Variants in TAF4B observed in about 807,000 individuals in gnomAD.
TAF4B encodes the protein transcription initiation factor TFIID subunit 4B.
TAF4B carries 38 observed loss-of-function variants against 86.4 expected under a neutral mutation model. That is an observed-to-expected ratio of 0.44 (90% CI 0.34 to 0.58). TAF4B has a LOEUF of 0.58. TAF4B is among the 20% of genes least tolerant of loss of function. The pLI, the probability that TAF4B is intolerant of heterozygous loss-of-function variation, is 0.02. For synonymous variants in TAF4B, 388 were observed against 391.2 expected, an observed-to-expected ratio of 0.99 and a Z score of 0.10; for missense variants, 988 against 1,027.6, an observed-to-expected ratio of 0.96 and a Z score of 0.53.
chr18:26,388,957 A>C (rs1021432737), intron 14 of TAF4B, among the ~76,000 whole-genome samples: 1 of 152,136 alleles, frequency 6.6e-6, no homozygotes, highest in African/African-American at 2.4e-5. Context: ...GATTACAGGC[A>C]TGCGCCACCA....
intron 14 of TAF4B, among the ~76,000 whole-genome samples, chr18:26,371,169 C>T (rs915153963): frequency 1.3e-5 from 2 of 152,142 alleles, no homozygotes; most frequent in Admixed American, 6.5e-5. Context: ...GAAGCTACTT[C>T]ATTTAAAGTA....
intron 1 of TAF4B, among the ~76,000 whole-genome samples, chr18:26,241,650 C>G (rs1182226172): frequency 2.0e-5 from 3 of 152,074 alleles, no homozygotes; most frequent in African/African-American, 7.2e-5. Flanking sequence ...TTTGCTCTTG[C>G]TTCTCTAGTT....
At chr18:26,323,233 T>C (rs1052417520) in intron 11 of TAF4B, among the ~76,000 whole-genome samples, 5 of 152,346 alleles carry the variant, frequency 3.3e-5, no homozygotes, top group Admixed American at 6.5e-5. Context: ...CTGATAGATA[T>C]AGTTGGTTTA....
chr18:26,321,314 A>G, intron 11 of TAF4B, 114 bp downstream of exon 11: 2 of 1,063,044 alleles, frequency 1.9e-6, no homozygotes, highest in Non-Finnish European at 2.7e-6. Context: ...TATATTTCAT[A>G]TTAGTGGAAA....
chr18:26,362,500 A>T (rs1214022831), intron 14 of TAF4B, among the ~76,000 whole-genome samples: 1 of 152,208 alleles, frequency 6.6e-6, no homozygotes, highest in Non-Finnish European at 1.5e-5. Context: ...ATTTATAATA[A>T]ACAGATTTTT....
chr18:26,346,875 G>GTA (rs2057198818), intron 13 of TAF4B, among the ~76,000 whole-genome samples: 1 of 5,134 alleles, frequency 1.9e-4, no homozygotes, highest in African/African-American at 3.4e-4. Flanking sequence ...ATATATATAT[G>GTA]TGTATATATA....
chr18:26,276,587 G>A (rs2056387282), intron 5 of TAF4B, among the ~76,000 whole-genome samples: 1 of 152,100 alleles, frequency 6.6e-6, no homozygotes, highest in Admixed American at 6.6e-5. Context: ...TTTTAATGCT[G>A]CCTGTAAGAT....
chr18:26,293,334 C>T lies in TAF4B; in HGVS notation c.1727-92C>T, dbSNP rs557529522. 22 of 794,056 alleles carry T rather than the reference C, an allele frequency of 2.8e-5. No homozygotes were observed. The Admixed American group carries it at 5.6e-4, about 20-fold the overall frequency. 49.2% of individuals were successfully genotyped at this position (794,056 alleles called of 1,614,324 possible). On this transcript the variant is annotated intron_variant, in intron 8 of 14. Coordinates refer to ENST00000269142, the MANE Select transcript of TAF4B (RefSeq NM_005640.3). ...CAGCTTGGAATTTTCTTTGATTATTCTATATATATAAAAAACGGTTGTCCT... is the reference window on the plus strand; with the variant it reads ...CAGCTTGGAATTTTCTTTGATTATTTTATATATATAAAAAACGGTTGTCCT...
At chr18:26,250,829 T>C (rs1014169085) in intron 1 of TAF4B, among the ~76,000 whole-genome samples, 1 of 152,138 alleles carries the variant, frequency 6.6e-6, no homozygotes, top group Non-Finnish European at 1.5e-5. Flanking sequence ...CCTTAAAAAA[T>C]GAAATTTAAT....
At chr18:26,277,659 A>G (rs997007147) in intron 5 of TAF4B, among the ~76,000 whole-genome samples, 2 of 152,116 alleles carry the variant, frequency 1.3e-5, no homozygotes, top group Non-Finnish European at 2.9e-5. Context: ...TTATTTTTTT[A>G]AAAATAGCTT....
intron 13 of TAF4B, among the ~76,000 whole-genome samples, chr18:26,343,923 TA>T (rs1286771388): frequency 6.6e-6 from 1 of 152,100 alleles, no homozygotes; most frequent in Non-Finnish European, 1.5e-5. Flanking sequence ...TTAACTCCCA[TA>T]GGAAGAGACA....
intron 14 of TAF4B, among the ~76,000 whole-genome samples, chr18:26,358,783 T>C (rs1429149493): frequency 6.6e-6 from 1 of 152,112 alleles, no homozygotes; most frequent in Non-Finnish European, 1.5e-5. Context: ...GAGATAGAGG[T>C]ATGCTAAGGG....
At chr18:26,231,033 G>GTTTTTTTTTTT (rs1291857583) in intron 1 of TAF4B, among the ~76,000 whole-genome samples, 1 of 78,062 alleles carries the variant, frequency 1.3e-5, no homozygotes, top group Non-Finnish European at 2.7e-5. Flanking sequence ...GTGTTGTTTT[G>GTTTTTTTTTTT]CTTTTTTTTT....
chr18:26,237,489 T>G (rs565823317), intron 1 of TAF4B, among the ~76,000 whole-genome samples: 83 of 151,486 alleles, frequency 5.5e-4, no homozygotes, highest in African/African-American at 2.0e-3. Context: ...TAGCCTGGGG[T>G]TTTTTTTGTG....
In TAF4B at chr18:26,371,170, A is replaced by T. The variant is rs143397071; in HGVS notation, c.2421+13376A>T. ...ATCTTAAAATATAAGAAGCTACTTC[A>T]TTTAAAGTAACAGCATGCTCTAAAT... On this transcript the variant is annotated intron_variant, in intron 14 of 14. Transcript: ENST00000269142. Among the ~76,000 whole-genome samples the T allele has an allele frequency of 2.0e-3, 310 of 152,354 alleles. 1 individual carries two copies. Among genetic ancestry groups the T allele is most frequent in the African/African-American group, 7.2e-3 (301 of 41,586 alleles).
chr18:26,272,533 C>T (rs1189184516), intron 3 of TAF4B, among the ~76,000 whole-genome samples: 1 of 151,990 alleles, frequency 6.6e-6, no homozygotes, highest in Non-Finnish European at 1.5e-5. Flanking sequence ...TCCATAAATG[C>T]CCCCTCTACT....
intron 13 of TAF4B, among the ~76,000 whole-genome samples, chr18:26,337,543 C>T (rs1401851128): frequency 6.6e-6 from 1 of 151,774 alleles, no homozygotes; most frequent in Non-Finnish European, 1.5e-5. Context: ...CAGCCTCAGC[C>T]TCCCGAGTAG....
In TAF4B at chr18:26,300,544, C is replaced by T. The variant is rs561595815; in HGVS notation, c.1832+7013C>T. Among the ~76,000 whole-genome samples, 26 of 146,388 alleles carry T rather than the reference C, an allele frequency of 1.8e-4. No individual in the cohort carries two copies. In the South Asian group the frequency reaches 2.6e-3, roughly 15 times the overall value. ...AATTTATTGGTACAAATATTTGATG[C>T]TTTTCTGGAATATTTTATTTGTTTT... On this transcript the variant is annotated intron_variant, in intron 9 of 14. Coordinates refer to ENST00000269142, the MANE Select transcript of TAF4B (RefSeq NM_005640.3).
intron 5 of TAF4B, among the ~76,000 whole-genome samples, chr18:26,281,067 A>G (rs767519485): frequency 1.3e-5 from 2 of 152,206 alleles, no homozygotes; most frequent in Non-Finnish European, 2.9e-5. Context: ...ACATGTTCTC[A>G]CTTACAAGTG....
Sources: gnomAD v4.1 joint callset for allele counts (sites outside exome capture counted in the v4.1 genomes callset) on GRCh38, gnomAD v4.1.1 for gene constraint, MANE v1.5 for transcripts, NCBI Gene and HGNC (gene_info 2026-07-23, HGNC 2026-07-21) for gene names.